PCDHGA4: variants seen among roughly 807,000 people sequenced by gnomAD.
PCDHGA4 encodes protocadherin gamma subfamily A, 4.
PCDHGA4 carries 38 observed loss-of-function variants against 54.6 expected under a neutral mutation model. That is an observed-to-expected ratio of 0.70 (90% CI 0.54 to 0.91). The LOEUF (loss-of-function observed/expected upper bound fraction) is 0.91, where lower values mean the gene tolerates loss of function less well. Ranked by LOEUF, PCDHGA4 falls within the 40% of genes least tolerant of loss-of-function variation. The probability of loss-of-function intolerance (pLI) is 0.00; values close to 1 mark genes in which losing one functional copy is unlikely to be tolerated. For missense variants in PCDHGA4, 1,298 were observed against 1,220.9 expected (o/e 1.06, Z -0.94); for synonymous variants, 511 against 512.9 (o/e 1.00, Z 0.05).
chr5:141,486,884 C>G lies in PCDHGA4; in HGVS notation c.2515-7923C>G, dbSNP rs1272694679. On this transcript the variant is annotated intron_variant, in intron 1 of 3. Transcript: ENST00000571252. The surrounding 1 kb of genome is among the most constrained non-coding windows in gnomAD (Gnocchi z 5.0). ...TCCAGCTGTGCTCCGTCCTCGGGCC[C>G]GGCCTGGTTCCTTATGTCCCCAAGC... The G allele has an allele frequency of 6.2e-7, 1 of 1,614,224 alleles. No homozygotes were observed. The highest frequency in any genetic ancestry group is 8.5e-7 in the Non-Finnish European group (1 of 1,180,046).
chr5:141,460,783 T>G (rs1000959104), intron 1 of PCDHGA4, among the ~76,000 whole-genome samples: 1 of 152,030 alleles, frequency 6.6e-6, no homozygotes, highest in Non-Finnish European at 1.5e-5. Flanking sequence ...TGTATACATA[T>G]ATACACACAA....
In PCDHGA4 at chr5:141,432,853, C is replaced by A. The variant is rs748301578; in HGVS notation, c.2515-61954C>A. 1.1e-5 allele frequency: 17 copies of A among 1,614,176 alleles called. No homozygotes were observed. Among genetic ancestry groups the A allele is most frequent in the East Asian group, 4.5e-5 (2 of 44,874 alleles). On this transcript the variant is annotated intron_variant, in intron 1 of 3. Transcript: ENST00000571252. The surrounding 1 kb of genome is among the most constrained non-coding windows in gnomAD (Gnocchi z 6.0). ...CTCTGTACCTGGTGGTAGCGGTGGC[C>A]GCGGTCTCCTGCGTCTTCCTGGCCT...
At chr5:141,362,036 A>G in intron 1 of PCDHGA4, 1 of 1,609,914 alleles carries the variant, frequency 6.2e-7, no homozygotes, top group South Asian at 1.1e-5. Context: ...GCCTTGGGCG[A>G]CAGGGACGCG....
At position 141,477,372 on chromosome 5, in the gene PCDHGA4, CTG is replaced by C; in HGVS notation, c.2515-17432_2515-17431del. On this transcript the variant is annotated intron_variant, in intron 1 of 3. Transcript: ENST00000571252. This position sits in a 1 kb window ranked among gnomAD's most constrained non-coding sequence, Gnocchi z 4.9. ...ACCAGTGCAGACCTGGATCGGGAGA[CTG>C]TGCCAGAATACAACCTCAGCATCAC... The C allele has an allele frequency of 6.2e-7, 1 of 1,614,154 alleles. No homozygotes were observed. The highest frequency in any genetic ancestry group is 8.5e-7 in the Non-Finnish European group (1 of 1,180,030).
intron 1 of PCDHGA4, chr5:141,383,917 G>A: frequency 6.2e-7 from 1 of 1,613,928 alleles, no homozygotes; most frequent in Non-Finnish European, 8.5e-7. Flanking sequence ...AGTTTTAGAT[G>A]TAAATGATAA....
chr5:141,384,547 C>T (rs1780195966), intron 1 of PCDHGA4: 15 of 1,614,252 alleles, frequency 9.3e-6, no homozygotes, highest in Non-Finnish European at 1.3e-5. Flanking sequence ...GTCACTGAGC[C>T]TGTTCGTGCT....
At chr5:141,413,020 C>T in intron 1 of PCDHGA4, 1 of 693,768 alleles carries the variant, frequency 1.4e-6, no homozygotes, top group Non-Finnish European at 2.3e-6. Context: ...CTACACAAGC[C>T]CCACAAACCG....
chr5:141,398,107 A>C, intron 1 of PCDHGA4: 1 of 1,595,524 alleles, frequency 6.3e-7, no homozygotes, highest in Non-Finnish European at 8.5e-7. Flanking sequence ...GCTGGTGAGC[A>C]AGCTGAGGAG....
chr5:141,423,437 C>CACGT (rs766166209), intron 1 of PCDHGA4: 1 of 1,613,952 alleles, frequency 6.2e-7, no homozygotes, highest in Non-Finnish European at 8.5e-7. Context: ...GCAGGTATGC[C>CACGT]CACGTCACAT....
At chr5:141,366,022 C>T in intron 1 of PCDHGA4, 1 of 1,614,248 alleles carries the variant, frequency 6.2e-7, no homozygotes, top group Non-Finnish European at 8.5e-7. Context: ...AGATCCTGTA[C>T]CCCGCCCTCC....
intron 1 of PCDHGA4, chr5:141,414,723 C>T (rs775890033): frequency 1.9e-6 from 3 of 1,614,170 alleles, no homozygotes. Context: ...CAGACACTGG[C>T]GTCCTGTATG....
intron 1 of PCDHGA4, chr5:141,395,109 A>C (rs1181706209): frequency 6.2e-7 from 1 of 1,614,210 alleles, no homozygotes; most frequent in Non-Finnish European, 8.5e-7. Flanking sequence ...CTCGCGGAAG[A>C]GTCACCTGAT....
chr5:141,382,825 G>C, intron 1 of PCDHGA4: 1 of 1,337,416 alleles, frequency 7.5e-7, no homozygotes, highest in Non-Finnish European at 1.0e-6. Flanking sequence ...CTAAGACAGA[G>C]GGGTCCACCC....
intron 1 of PCDHGA4, chr5:141,360,051 G>A (rs1443200374): frequency 2.1e-6 from 3 of 1,435,510 alleles, no homozygotes; most frequent in Admixed American, 5.6e-5. Context: ...GAAAACAAAA[G>A]CAGGAAAAGT....
chr5:141,460,582 G>A (rs1246329967), intron 1 of PCDHGA4, among the ~76,000 whole-genome samples: 2 of 152,022 alleles, frequency 1.3e-5, no homozygotes, highest in South Asian at 4.1e-4. Context: ...GTAGGTGTGG[G>A]TTTTTTCTGG....
chr5:141,475,105 G>C (rs1215386045), intron 1 of PCDHGA4, among the ~76,000 whole-genome samples: 1 of 152,156 alleles, frequency 6.6e-6, no homozygotes, highest in Non-Finnish European at 1.5e-5. Context: ...GATCCTAGGT[G>C]GTAAATAGGC....
At chr5:141,357,769 A>G (rs1051141357) in intron 1 of PCDHGA4, 148 bp downstream of exon 1, 13 of 952,774 alleles carry the variant, frequency 1.4e-5, no homozygotes, top group Middle Eastern at 3.0e-4. Flanking sequence ...TGACCTTCCA[A>G]TAATGATCAA....
rs531855306 is a variant in PCDHGA4 at position 141,422,110 on chromosome 5, T to C, written c.2514+64489T>C. 230 of 1,606,626 alleles carry C rather than the reference T, an allele frequency of 1.4e-4. 6 individuals carry two copies. The South Asian group carries it at 2.5e-3, about 17-fold the overall frequency. On this transcript the variant is annotated intron_variant, in intron 1 of 3. Coordinates refer to ENST00000571252, the MANE Select transcript of PCDHGA4 (RefSeq NM_018917.4). The stretch of plus-strand genomic sequence containing the variant: ...AAGCAAGGCTTCTGAAATATTCCAA[T>C]TGGATTCACAAACTGGAGAAGTTCA...
At chr5:141,362,524 G>GGGGT in intron 1 of PCDHGA4, 1 of 1,613,964 alleles carries the variant, frequency 6.2e-7, no homozygotes, top group Non-Finnish European at 8.5e-7. Flanking sequence ...TGGAGCCGCT[G>GGGGT]GGGTCCCTTT....
Sources: allele counts gnomAD v4.1 joint callset (sites outside exome capture counted in the v4.1 genomes callset), GRCh38; gene constraint gnomAD v4.1.1; non-coding constraint Gnocchi (gnomAD v3.1); transcripts MANE v1.5; gene names NCBI Gene and HGNC (gene_info 2026-07-23, HGNC 2026-07-21).